Variants in CAST observed in about 807,000 individuals in gnomAD.
CAST encodes the protein MIR583 host.
A neutral mutation model predicts 119.6 loss-of-function variants in CAST; 76 were observed. The observed-to-expected ratio is 0.64, with a 90% CI of 0.53 to 0.77. The LOEUF (loss-of-function observed/expected upper bound fraction) is 0.77. Among genes scored for constraint, CAST ranks in the 30% least tolerant of loss-of-function variants. The pLI is 0.00. For missense variants in CAST, 953 were observed against 946.5 expected, an observed-to-expected ratio of 1.01 and a Z score of -0.09; for synonymous variants, 319 against 331.6, an observed-to-expected ratio of 0.96 and a Z score of 0.41.
At chr5:96,429,196 A>T in the CAST span, 1 of 1,246,744 alleles carries the variant, frequency 8.0e-7, no homozygotes, top group Non-Finnish European at 1.2e-6. Context: ...GTTTGAAGAC[A>T]AATGTACAAC....
the CAST span, among the ~76,000 whole-genome samples, chr5:96,320,228 C>CTTTT: frequency 1.0e-5 from 1 of 97,360 alleles, no homozygotes; most frequent in Non-Finnish European, 2.1e-5. Flanking sequence ...AAGGCTTTTG[C>CTTTT]TTTTTTTTTT....
the CAST span, among the ~76,000 whole-genome samples, chr5:96,311,417 A>G: frequency 6.6e-6 from 1 of 152,072 alleles, no homozygotes; most frequent in Non-Finnish European, 1.5e-5. Context: ...AATGTTCTGT[A>G]TATGCCTGTT....
the CAST span, among the ~76,000 whole-genome samples, chr5:96,407,513 G>T: frequency 1.3e-5 from 2 of 152,276 alleles, no homozygotes; most frequent in South Asian, 4.1e-4. Flanking sequence ...AAATGGTATA[G>T]TCATTCAAGG....
chr5:96,716,315 T>C (rs1025513224), intron 3 of CAST, among the ~76,000 whole-genome samples: 2 of 152,244 alleles, frequency 1.3e-5, no homozygotes, highest in Non-Finnish European at 2.9e-5. Flanking sequence ...TTGATGACAG[T>C]CATAACGTAA....
the CAST span, among the ~76,000 whole-genome samples, chr5:96,125,246 C>G: frequency 1.1e-4 from 17 of 152,128 alleles, no homozygotes; most frequent in Admixed American, 2.0e-4. Flanking sequence ...TAAATGGTGT[C>G]TAAAGTCCCT....
chr5:96,719,050 T>C (rs1757723527), intron 3 of CAST, among the ~76,000 whole-genome samples: 1 of 152,130 alleles, frequency 6.6e-6, no homozygotes, highest in Non-Finnish European at 1.5e-5. Flanking sequence ...GGGATTCTAA[T>C]GTGTGGTAGA....
At chr5:96,030,532 G>A in the CAST span, among the ~76,000 whole-genome samples, 1 of 152,122 alleles carries the variant, frequency 6.6e-6, no homozygotes, top group Non-Finnish European at 1.5e-5. Flanking sequence ...GAAAAGCTGG[G>A]AGTTAGGCTG....
At chr5:96,498,294 G>A in the CAST span, among the ~76,000 whole-genome samples, 7 of 152,336 alleles carry the variant, frequency 4.6e-5, no homozygotes, top group South Asian at 2.1e-4. Flanking sequence ...GTCAGGTAGT[G>A]TGATGCCTCC....
intron 17 of CAST, among the ~76,000 whole-genome samples, chr5:96,747,112 C>T (rs1763929838): frequency 6.6e-6 from 1 of 152,104 alleles, no homozygotes; most frequent in Non-Finnish European, 1.5e-5. Flanking sequence ...AGATTAAAAA[C>T]ATTTTTAATA....
At chr5:95,961,702 CCT>C in the CAST span, 1 of 1,606,380 alleles carries the variant, frequency 6.2e-7, no homozygotes, top group Admixed American at 1.7e-5. Flanking sequence ...CCGCAGGCCC[CCT>C]GTCCCCCCCG....
chr5:96,345,353 C>T, the CAST span, among the ~76,000 whole-genome samples: 3 of 152,118 alleles, frequency 2.0e-5, no homozygotes, highest in African/African-American at 7.2e-5. Context: ...CACTATTTTA[C>T]TGATACAAAT....
intron 1 of CAST, among the ~76,000 whole-genome samples, chr5:96,567,370 TG>T (rs1447834555): frequency 6.6e-6 from 1 of 152,172 alleles, no homozygotes; most frequent in Non-Finnish European, 1.5e-5. Flanking sequence ...ATATTTCCTA[TG>T]CCTCCCCAGT....
chr5:95,964,157 C>T, the CAST span, among the ~76,000 whole-genome samples: 2 of 152,062 alleles, frequency 1.3e-5, no homozygotes, highest in Admixed American at 1.3e-4. Context: ...AGGAAATGAT[C>T]AAGTACAAAG....
intron 1 of CAST, among the ~76,000 whole-genome samples, chr5:96,542,038 C>T (rs1350671487): frequency 6.6e-5 from 10 of 152,148 alleles, no homozygotes; most frequent in African/African-American, 2.2e-4. Flanking sequence ...AGGCCGGACG[C>T]GGTGGCTCAC....
At chr5:96,325,081 TG>T in the CAST span, among the ~76,000 whole-genome samples, 1 of 152,126 alleles carries the variant, frequency 6.6e-6, no homozygotes, top group African/African-American at 2.4e-5. Context: ...GGTGAGCACC[TG>T]TAATCTCAGT....
At chr5:96,661,784 A>T (rs1561444856), upstream of CAST, among the ~76,000 whole-genome samples, 1 of 152,248 alleles carries the variant, frequency 6.6e-6, no homozygotes, top group Non-Finnish European at 1.5e-5. Flanking sequence ...TCTCCTCCCC[A>T]TAAAAGTTTA....
chr5:96,739,653 T>C (rs1762312254), intron 11 of CAST, among the ~76,000 whole-genome samples: 1 of 152,218 alleles, frequency 6.6e-6, no homozygotes, highest in South Asian at 2.1e-4. Context: ...AGACATCCAC[T>C]CTATGATTTT....
the CAST span, among the ~76,000 whole-genome samples, chr5:96,135,814 T>C: frequency 1.1e-4 from 16 of 152,236 alleles, no homozygotes; most frequent in African/African-American, 3.9e-4. Flanking sequence ...ATCCCAGCAC[T>C]TTGGGAGGCT....
the CAST span, among the ~76,000 whole-genome samples, chr5:96,358,015 A>T: frequency 6.6e-6 from 1 of 152,136 alleles, no homozygotes; most frequent in East Asian, 1.9e-4. Context: ...AGAACTTGTT[A>T]TTGGTCTATT....
Sources: gnomAD v4.1 joint callset for allele counts (sites outside exome capture counted in the v4.1 genomes callset) on GRCh38, gnomAD v4.1.1 for gene constraint, MANE v1.5 for transcripts, NCBI Gene and HGNC (gene_info 2026-07-23, HGNC 2026-07-21) for gene names.